ABCC9: variants seen among roughly 807,000 people sequenced by gnomAD.
ABCC9 encodes the protein ATP-binding cassette sub-family C member 9.
ABCC9 carries 95 observed loss-of-function variants against 188.3 expected under a neutral mutation model. The observed-to-expected ratio is 0.50, with a 90% CI of 0.43 to 0.60. The LOEUF (loss-of-function observed/expected upper bound fraction) is 0.60. Among genes scored for constraint, ABCC9 ranks in the 20% least tolerant of loss-of-function variants. The pLI, the probability that ABCC9 is intolerant of heterozygous loss-of-function variation, is 0.00. For synonymous variants in ABCC9, 659 were observed against 652.7 expected (o/e 1.01, Z -0.15); for missense variants, 1,102 against 1,876.3 (o/e 0.59, Z 7.62).
chr12:21,933,748 ACT>A, intron 4 of ABCC9, 32 bp downstream of exon 4: 1 of 1,604,892 alleles, frequency 6.2e-7, no homozygotes, highest in South Asian at 1.1e-5. Context: ...CCACTGGTAT[ACT>A]GCAGTGGTAT....
chr12:21,866,291 CAA>C (rs1945775530), intron 18 of ABCC9, among the ~76,000 whole-genome samples: 1 of 152,038 alleles, frequency 6.6e-6, no homozygotes, highest in Admixed American at 6.6e-5. Context: ...AAGGTTTAAA[CAA>C]GAGAGAGATA....
At chr12:21,913,532 A>G (rs1452065298) in intron 7 of ABCC9, among the ~76,000 whole-genome samples, 3 of 152,204 alleles carry the variant, frequency 2.0e-5, no homozygotes, top group Non-Finnish European at 4.4e-5. Flanking sequence ...TGCCTATCCA[A>G]TAATTACCAG....
intron 31 of ABCC9, among the ~76,000 whole-genome samples, chr12:21,821,086 G>A (rs1378630963): frequency 6.6e-6 from 1 of 152,122 alleles, no homozygotes; most frequent in East Asian, 1.9e-4. Flanking sequence ...CATTCACTGA[G>A]TTTTTCTATG....
intron 24 of ABCC9, among the ~76,000 whole-genome samples, chr12:21,850,906 A>G (rs540258741): frequency 6.6e-6 from 1 of 151,886 alleles, no homozygotes; most frequent in East Asian, 1.9e-4. Flanking sequence ...AAATATCCTC[A>G]TTTCAATGGT....
intron 19 of ABCC9, among the ~76,000 whole-genome samples, chr12:21,863,609 A>T (rs1033273171): frequency 2.0e-5 from 3 of 152,210 alleles, no homozygotes; most frequent in Non-Finnish European, 4.4e-5. Context: ...TAAAAACTGC[A>T]TATTTCAAAA....
chr12:21,823,119 AAACAGAAGTTAC>A (rs1943154919), intron 31 of ABCC9, among the ~76,000 whole-genome samples: 1 of 152,182 alleles, frequency 6.6e-6, no homozygotes, highest in Non-Finnish European at 1.5e-5. Context: ...TCAACTTAGG[AAACAGAAGTTAC>A]AACACAGATG....
rs1949653374 is a variant in ABCC9 at position 21,940,691 on chromosome 12, T to C, written c.-21+19A>G. The C allele has an allele frequency of 6.6e-6, 1 of 152,060 alleles. No homozygotes were observed. The highest frequency in any genetic ancestry group is 2.4e-5 in the African/African-American group (1 of 41,408). The allele number at this position is 152,060 out of a possible 1,614,324, so 9.4% of individuals were successfully genotyped here. A position where few individuals can be genotyped will look rare whatever the true frequency, so the allele number is the denominator to read the frequency against. On this transcript the variant is annotated intron_variant, in intron 2 of 39. Coordinates refer to ENST00000261200, the MANE Select transcript of ABCC9 (RefSeq NM_020297.4). ...TAAAAAAAATCCCAAACTGAACAAA[T>C]AAAGCAAAAAATAAATACCTTGGGC...
chr12:21,848,168 T>C lies in ABCC9; in HGVS notation c.2848A>G (p.Met950Val), dbSNP rs1448325219. Residue 950 changes from methionine (M) to valine (V), a missense_variant, in exon 25 of 40, where the codon ATG (methionine) becomes GTG (valine). Physicochemically the swap from Met to Val is conservative, Grantham distance 21. Transcript: ENST00000261200. ...AMYSREAKAQ[M>V]EDEDEEEEEE... The stretch of plus-strand genomic sequence containing the variant: ...GATCTACCTTCGTCTTCGTCCTCCA[T>C]CTGGGCTTTGGCTTCTCTTGAATAC... The C allele has an allele frequency of 1.9e-6, 3 of 1,613,466 alleles. No homozygotes were observed. The highest frequency in any genetic ancestry group is 4.5e-5 in the East Asian group (2 of 44,878).
At chr12:21,839,993 G>T (rs1944299772) in intron 29 of ABCC9, among the ~76,000 whole-genome samples, 1 of 152,140 alleles carries the variant, frequency 6.6e-6, no homozygotes, top group South Asian at 2.1e-4. Context: ...CAAGCAACAG[G>T]TGGTCACTAC....
intron 4 of ABCC9, among the ~76,000 whole-genome samples, chr12:21,928,314 G>GGGAA (rs150948526): frequency 0.96 from 90,586 of 94,070 alleles, 43,710 homozygotes; most frequent in Non-Finnish European, 0.98. Flanking sequence ...GAGGGTGGGA[G>GGGAA]GGAAGGAAGG....
At chr12:21,832,815 T>G (rs1943848915) in intron 30 of ABCC9, among the ~76,000 whole-genome samples, 1 of 152,096 alleles carries the variant, frequency 6.6e-6, no homozygotes, top group Non-Finnish European at 1.5e-5. Context: ...AAAAAGACAG[T>G]TGCACACACA....
At chr12:21,832,685 C>T (rs1031926921) in intron 30 of ABCC9, among the ~76,000 whole-genome samples, 1 of 151,670 alleles carries the variant, frequency 6.6e-6, no homozygotes, top group Non-Finnish European at 1.5e-5. Flanking sequence ...CAATGTAAAC[C>T]AGTGCAATCA....
chr12:21,827,527 A>AACACACACACACAC (rs199954253), intron 31 of ABCC9: 8 of 142,578 alleles, frequency 5.6e-5, no homozygotes, highest in South Asian at 2.3e-4. Context: ...CTTATAGAAC[A>AACACACACACACAC]ACACACACAC....
Position 21,815,866 on chromosome 12 carries a change from G to A in ABCC9, c.3920C>T (p.Pro1307Leu). Residue 1307 changes from proline (P) to leucine (L), a missense_variant, in exon 34 of 40, where the codon CCA becomes CTA. Coordinates refer to ENST00000261200, the MANE Select transcript of ABCC9 (RefSeq NM_020297.4). ...ATGTATCTTGATCTCCCCTTCTTGT[G>A]GCCAATGTTCTGGAACTTGAGAAGG... The part of the protein sequence containing the change: ...MDPSQVPEHW[P>L]QEGEIKIHDL... 1 of 1,613,126 alleles carries A rather than the reference G, an allele frequency of 6.2e-7. No homozygotes were observed. Among genetic ancestry groups the A allele is most frequent in the Non-Finnish European group, 8.5e-7 (1 of 1,179,608 alleles).
intron 14 of ABCC9, among the ~76,000 whole-genome samples, chr12:21,892,887 A>T: frequency 6.6e-6 from 1 of 152,164 alleles, no homozygotes; most frequent in Non-Finnish European, 1.5e-5. Flanking sequence ...CTTACAAATG[A>T]TGTTCTATGT....
intron 5 of ABCC9, among the ~76,000 whole-genome samples, chr12:21,920,238 A>G (rs1200311494): frequency 3.9e-5 from 6 of 152,024 alleles, no homozygotes; most frequent in Admixed American, 2.0e-4. Context: ...TAGCTACAGC[A>G]ATAAGACAAG....
chr12:21,932,526 A>G lies in ABCC9; in HGVS notation c.284+1256T>C, dbSNP rs186622291. ...ATTTTTGCAAACTATGCATCCAACA[A>G]AGATGTAATATCCAGCATCTATAAG... is the stretch of plus-strand genomic sequence containing the variant. On this transcript the variant is annotated intron_variant, in intron 4 of 39. Transcript: ENST00000261200. 5.9e-5 allele frequency among the ~76,000 whole-genome samples: 9 copies of G among 152,298 alleles called. No individual in the cohort carries two copies. The East Asian group carries it at 1.5e-3, about 26-fold the overall frequency.
At chr12:21,837,999 A>C (rs1340416098) in intron 30 of ABCC9, 79 bp downstream of exon 30, 4 of 1,164,454 alleles carry the variant, frequency 3.4e-6, no homozygotes, top group Admixed American at 1.8e-5. Flanking sequence ...AAATGAAAGC[A>C]ATGATCAGTT....
At chr12:21,815,982 CAT>C (rs956749738) in intron 33 of ABCC9, 89 bp from the exon 34 acceptor site, 92 of 682,862 alleles carry the variant, frequency 1.3e-4, no homozygotes, top group East Asian at 4.9e-4. Context: ...TACATTTATA[CAT>C]ATATATATAT....
Sources: gnomAD v4.1 joint callset for allele counts (sites outside exome capture counted in the v4.1 genomes callset) on GRCh38, gnomAD v4.1.1 for gene constraint, MANE v1.5 for transcripts, NCBI Gene and HGNC (gene_info 2026-07-23, HGNC 2026-07-21) for gene names.